ZNF521: variants seen among roughly 807,000 people sequenced by gnomAD.
The protein encoded by ZNF521 is zinc finger protein 521.
ZNF521 carries 14 observed loss-of-function variants against 105.5 expected under a neutral mutation model. The ratio of observed to expected loss-of-function variants is 0.13; its 90% CI spans 0.09 to 0.21. The LOEUF is 0.21. Ranked by LOEUF, ZNF521 falls within the 10% of genes least tolerant of loss-of-function variation. The probability of loss-of-function intolerance (pLI) is 1.00; values close to 1 mark genes in which losing one functional copy is unlikely to be tolerated. For synonymous variants in ZNF521, 635 were observed against 606.0 expected (o/e 1.05, Z -0.70); for missense variants, 1,233 against 1,629.7 (o/e 0.76, Z 4.19).
chr18:25,167,604 T>A (rs1461771261), intron 5 of ZNF521, among the ~76,000 whole-genome samples: 1 of 152,218 alleles, frequency 6.6e-6, no homozygotes, highest in South Asian at 2.1e-4. Context: ...TGCTTTTCTA[T>A]GGCCAATATG....
chr18:25,287,928 G>A (rs975453317), intron 3 of ZNF521, among the ~76,000 whole-genome samples: 3 of 152,174 alleles, frequency 2.0e-5, no homozygotes, highest in African/African-American at 2.4e-5. Context: ...CACAGAACTC[G>A]TTTGCTTTAG....
chr18:25,182,327 T>A (rs987299165), intron 5 of ZNF521, among the ~76,000 whole-genome samples: 2 of 152,192 alleles, frequency 1.3e-5, no homozygotes, highest in Non-Finnish European at 2.9e-5. Flanking sequence ...CGCATTAATA[T>A]TCCTTGATGA....
chr18:25,206,579 A>G (rs975159038), intron 4 of ZNF521, among the ~76,000 whole-genome samples: 1 of 151,890 alleles, frequency 6.6e-6, no homozygotes, highest in South Asian at 2.1e-4. Flanking sequence ...AGATCATTTC[A>G]TTTATCCATG....
chr18:25,343,393 T>C (rs1469038600), intron 2 of ZNF521, among the ~76,000 whole-genome samples: 3 of 152,200 alleles, frequency 2.0e-5, no homozygotes, highest in Non-Finnish European at 4.4e-5. Flanking sequence ...CTAAACAAAG[T>C]GCATTTCCTA....
intron 4 of ZNF521, among the ~76,000 whole-genome samples, chr18:25,197,421 A>T (rs2035921338): frequency 6.6e-6 from 1 of 151,930 alleles, no homozygotes; most frequent in Admixed American, 6.6e-5. Context: ...TTTTAAAGCC[A>T]TGATGTAAAA....
At chr18:25,321,951 G>A (rs888467967) in intron 3 of ZNF521, 57 bp downstream of exon 3, 3 of 1,499,016 alleles carry the variant, frequency 2.0e-6, no homozygotes, top group African/African-American at 1.4e-5. Context: ...GGAACAAACT[G>A]AAAAAATCAG....
At chr18:25,248,637 G>T (rs549737496) in intron 3 of ZNF521, among the ~76,000 whole-genome samples, 2 of 152,256 alleles carry the variant, frequency 1.3e-5, no homozygotes, top group South Asian at 4.1e-4. Flanking sequence ...TCTAGATAAA[G>T]AACCTTTACA....
At chr18:25,112,354 C>G (rs2034208645) in intron 5 of ZNF521, among the ~76,000 whole-genome samples, 1 of 152,144 alleles carries the variant, frequency 6.6e-6, no homozygotes, top group Non-Finnish European at 1.5e-5. Context: ...ATCAGGGCCC[C>G]TTCCAGAAAC....
intron 2 of ZNF521, chr18:25,327,324 C>T (rs1424159327): frequency 5.6e-6 from 3 of 531,498 alleles, no homozygotes; most frequent in Admixed American, 1.2e-4. Flanking sequence ...GCAAATGATG[C>T]ATCTCAGGTT....
chr18:25,213,492 A>G (rs2036229393), intron 4 of ZNF521, among the ~76,000 whole-genome samples: 1 of 152,004 alleles, frequency 6.6e-6, no homozygotes, highest in Non-Finnish European at 1.5e-5. Flanking sequence ...TCTTGTGATA[A>G]ACCTATTTCA....
intron 5 of ZNF521, among the ~76,000 whole-genome samples, chr18:25,174,857 G>C (rs1264948904): frequency 2.0e-5 from 3 of 152,168 alleles, no homozygotes; most frequent in Non-Finnish European, 4.4e-5. Context: ...AATTTCTAAA[G>C]AGTGTTAATT....
chr18:25,209,011 A>G (rs539943671), intron 4 of ZNF521, among the ~76,000 whole-genome samples: 126 of 152,358 alleles, frequency 8.3e-4, no homozygotes, highest in Non-Finnish European at 1.5e-3. Context: ...GAATATGTTA[A>G]CAGCAGACTT....
chr18:25,123,622 G>A (rs113749317), intron 5 of ZNF521, among the ~76,000 whole-genome samples: 1 of 152,266 alleles, frequency 6.6e-6, no homozygotes, highest in Non-Finnish European at 1.5e-5. Flanking sequence ...CTTGCAGAGG[G>A]AAGGGAGGGA....
chr18:25,155,296 C>A (rs1171437788), intron 5 of ZNF521, among the ~76,000 whole-genome samples: 3 of 152,102 alleles, frequency 2.0e-5, no homozygotes, highest in Admixed American at 2.0e-4. Flanking sequence ...ATTAATCTTG[C>A]CTATTGACCC....
At chr18:25,234,303 C>A (rs976060678) in intron 3 of ZNF521, among the ~76,000 whole-genome samples, 4 of 152,152 alleles carry the variant, frequency 2.6e-5, no homozygotes, top group African/African-American at 9.7e-5. Flanking sequence ...ACAGACGTCA[C>A]CAGAGTGGAT....
At chr18:25,092,191 C>T (rs1482043594) in intron 5 of ZNF521, 110 bp from the exon 6 acceptor site, 19 of 1,213,738 alleles carry the variant, frequency 1.6e-5, no homozygotes, top group East Asian at 2.5e-5. Flanking sequence ...ACCTAATATA[C>T]ATATGTAGTA....
intron 5 of ZNF521, among the ~76,000 whole-genome samples, chr18:25,173,635 T>C (rs913640009): frequency 6.6e-6 from 1 of 152,146 alleles, no homozygotes; most frequent in African/African-American, 2.4e-5. Flanking sequence ...CCATGTTTAC[T>C]AGCATGAGGG....
chr18:25,104,775 G>A (rs1201767172), intron 5 of ZNF521, among the ~76,000 whole-genome samples: 1 of 152,144 alleles, frequency 6.6e-6, no homozygotes, highest in African/African-American at 2.4e-5. Flanking sequence ...CAGGAGAAAA[G>A]ACAGTTCAGA....
At chr18:25,086,019 A>G (rs2033615603) in intron 7 of ZNF521, among the ~76,000 whole-genome samples, 1 of 152,096 alleles carries the variant, frequency 6.6e-6, no homozygotes, top group Middle Eastern at 3.2e-3. Flanking sequence ...TTAGACATTT[A>G]GTTTTATAGT....
Sources: gnomAD v4.1 joint callset for allele counts (sites outside exome capture counted in the v4.1 genomes callset) on GRCh38, gnomAD v4.1.1 for gene constraint, MANE v1.5 for transcripts, NCBI Gene and HGNC (gene_info 2026-07-23, HGNC 2026-07-21) for gene names.